Variants in CHD1L observed in about 807,000 individuals in gnomAD.
The protein encoded by CHD1L is chromodomain helicase DNA binding protein 1 like.
Under a neutral mutation model 115.9 loss-of-function variants are expected in CHD1L, and 118 were observed. The observed-to-expected ratio is 1.02, with a 90% CI of 0.88 to 1.19. CHD1L has a LOEUF of 1.19. CHD1L is among the 50% of genes most tolerant of loss of function. The pLI is 0.00. For synonymous variants in CHD1L, 411 were observed against 387.1 expected (o/e 1.06, Z -0.72); for missense variants, 1,179 against 1,065.3 (o/e 1.11, Z -1.49).
chr1:147,214,857 C>G, the CHD1L span: 1 of 151,944 alleles, frequency 6.6e-6, no homozygotes, highest in South Asian at 2.1e-4. Context: ...ATATTCAATG[C>G]TTAGTATGGT....
chr1:147,246,019 A>T, intron 1 of CHD1L, among the ~76,000 whole-genome samples: 1 of 152,174 alleles, frequency 6.6e-6, no homozygotes, highest in South Asian at 2.1e-4. Context: ...AGGATCCCTC[A>T]ACTTGCACTT....
At chr1:147,244,626 T>C (rs146510883) in intron 1 of CHD1L, among the ~76,000 whole-genome samples, 3 of 152,314 alleles carry the variant, frequency 2.0e-5, no homozygotes, top group Admixed American at 1.3e-4. Flanking sequence ...TAATTTCTTT[T>C]ACTTTCTGGT....
chr1:147,295,337 A>G (rs1572268293), intron 22 of CHD1L, 94 bp from the exon 23 acceptor site: 1 of 817,304 alleles, frequency 1.2e-6, no homozygotes, highest in East Asian at 2.4e-5. Flanking sequence ...TACTACTTCT[A>G]GAACAGTTAT....
chr1:147,241,567 T>C (rs113978442), upstream of CHD1L, among the ~76,000 whole-genome samples: 2 of 152,172 alleles, frequency 1.3e-5, no homozygotes, highest in Admixed American at 6.5e-5. Flanking sequence ...CAAAGCCTGT[T>C]TGGTGGTCTC....
chr1:147,226,236 C>A, the CHD1L span, among the ~76,000 whole-genome samples: 1 of 151,822 alleles, frequency 6.6e-6, no homozygotes, highest in Non-Finnish European at 1.5e-5. Context: ...CACTTCCGCC[C>A]CCGGCTCACC....
rs1676597093 is a variant in CHD1L at position 147,272,412 on chromosome 1, A to T, written c.1270+131A>T. 5 of 638,540 alleles carry T rather than the reference A, an allele frequency of 7.8e-6. No individual in the cohort carries two copies. The Admixed American group carries it at 1.4e-4, about 18-fold the overall frequency. 39.6% of individuals were successfully genotyped at this position (638,540 alleles called of 1,614,324 possible). On this transcript the variant is annotated intron_variant, in intron 12 of 22. Coordinates refer to ENST00000369258, the MANE Select transcript of CHD1L (RefSeq NM_004284.6). ...GTTACTATTGAATGTAAAACAAGGT[A>T]CTGGACATCAAGCATGGTGCTGTTT... is the stretch of plus-strand genomic sequence containing the variant.
chr1:147,203,424 A>G, the CHD1L span: 15 of 866,546 alleles, frequency 1.7e-5, no homozygotes, highest in Admixed American at 3.4e-5. Context: ...CCAGGTAAGT[A>G]TCTAGAACAC....
upstream of CHD1L, among the ~76,000 whole-genome samples, chr1:147,241,287 A>G (rs1664852895): frequency 6.6e-6 from 1 of 152,132 alleles, no homozygotes; most frequent in South Asian, 2.1e-4. Context: ...TTCCACCACA[A>G]AAGAAGTTTA....
At chr1:147,245,250 G>A (rs1666222250) in intron 1 of CHD1L, among the ~76,000 whole-genome samples, 2 of 152,206 alleles carry the variant, frequency 1.3e-5, no homozygotes, top group Admixed American at 6.5e-5. Flanking sequence ...AGCCAGGCAC[G>A]TGACTGGGAG....
chr1:147,267,824 T>G (rs1486044040), intron 9 of CHD1L, among the ~76,000 whole-genome samples: 1 of 152,220 alleles, frequency 6.6e-6, no homozygotes, highest in Non-Finnish European at 1.5e-5. Context: ...CTTCAGCGTT[T>G]TTTTTCTTTC....
intron 19 of CHD1L, 76 bp from the exon 20 acceptor site, chr1:147,291,406 A>G: frequency 1.6e-6 from 2 of 1,251,818 alleles, no homozygotes; most frequent in Middle Eastern, 1.9e-4. Flanking sequence ...GAATTTGAAG[A>G]AGGCGAGATA....
chr1:147,252,761 C>T, intron 2 of CHD1L, 26 bp downstream of exon 2: 6 of 1,507,694 alleles, frequency 4.0e-6, no homozygotes, highest in Non-Finnish European at 5.5e-6. Flanking sequence ...ACGAGTACTG[C>T]TCACCGCCAC....
chr1:147,252,587 T>C, intron 1 of CHD1L, 36 bp from the exon 2 acceptor site: 2 of 1,526,848 alleles, frequency 1.3e-6, no homozygotes, highest in Non-Finnish European at 1.8e-6. Flanking sequence ...TACTGAAATG[T>C]CTGCTCTTCG....
the CHD1L span, among the ~76,000 whole-genome samples, chr1:147,231,428 T>C: frequency 6.6e-6 from 1 of 152,200 alleles, no homozygotes; most frequent in Non-Finnish European, 1.5e-5. Context: ...TGCTTCCAAC[T>C]ATGTGATCAA....
At chr1:147,275,576 C>G in intron 13 of CHD1L, 108 bp downstream of exon 13, 1 of 794,986 alleles carries the variant, frequency 1.3e-6, no homozygotes, top group Non-Finnish European at 2.1e-6. Context: ...AGCTGAGAGA[C>G]CACCAGGTTT....
chr1:147,232,844 C>T, the CHD1L span, among the ~76,000 whole-genome samples: 190 of 152,274 alleles, frequency 1.2e-3, no homozygotes, highest in African/African-American at 4.2e-3. Flanking sequence ...GATCTCGGCT[C>T]GCTACAACCT....
intron 6 of CHD1L, chr1:147,260,917 T>C (rs1553943734): frequency 6.6e-6 from 1 of 152,246 alleles, no homozygotes; most frequent in Non-Finnish European, 1.5e-5. Flanking sequence ...TAAAGATTTG[T>C]TCATTGATGA....
chr1:147,201,269 C>A, the CHD1L span: 25 of 1,613,984 alleles, frequency 1.5e-5, no homozygotes, highest in Non-Finnish European at 2.1e-5. Context: ...GGAGGGAAGA[C>A]CTTTTTATAC....
the CHD1L span, chr1:147,186,974 T>G: frequency 6.2e-7 from 1 of 1,614,212 alleles, no homozygotes; most frequent in Non-Finnish European, 8.5e-7. Flanking sequence ...GTTGAAGTCA[T>G]AGAACTACTC....
Sources: gnomAD v4.1 joint callset for allele counts (sites outside exome capture counted in the v4.1 genomes callset) on GRCh38, gnomAD v4.1.1 for gene constraint, MANE v1.5 for transcripts, NCBI Gene and HGNC (gene_info 2026-07-23, HGNC 2026-07-21) for gene names.